The following PPP3CA variants were observed in gnomAD, a reference collection of about 807,000 sequenced individuals.
PPP3CA encodes protein phosphatase 3 catalytic subunit alpha.
A neutral mutation model predicts 66.5 loss-of-function variants in PPP3CA; 14 were observed. That is an observed-to-expected ratio of 0.21 (90% confidence interval 0.14 to 0.33). The LOEUF (loss-of-function observed/expected upper bound fraction) is 0.33. Ranked by LOEUF, PPP3CA falls within the 10% of genes least tolerant of loss-of-function variation. The pLI is 1.00. For missense variants in PPP3CA, 317 were observed against 639.5 expected, an observed-to-expected ratio of 0.50 and a Z score of 5.44; for synonymous variants, 232 against 226.2, an observed-to-expected ratio of 1.03 and a Z score of -0.23.
intron 1 of PPP3CA, among the ~76,000 whole-genome samples, chr4:101,212,528 G>A (rs140472375): frequency 1.3e-5 from 2 of 152,190 alleles, no homozygotes; most frequent in African/African-American, 4.8e-5. Flanking sequence ...TAATACCTAG[G>A]TGATGGGATG....
intron 1 of PPP3CA, among the ~76,000 whole-genome samples, chr4:101,299,106 GTTTTTTTTT>G (rs556244769): frequency 7.0e-5 from 6 of 85,554 alleles, no homozygotes; most frequent in African/African-American, 1.7e-4. Flanking sequence ...GCCATATATC[GTTTTTTTTT>G]TTTTTTTTTT....
intron 3 of PPP3CA, among the ~76,000 whole-genome samples, chr4:101,104,509 G>A (rs904582156): frequency 5.3e-5 from 8 of 151,638 alleles, no homozygotes; most frequent in Admixed American, 5.3e-4. Flanking sequence ...TATGGCAAAG[G>A]CCTGGGGTTA....
intron 1 of PPP3CA, among the ~76,000 whole-genome samples, chr4:101,229,632 T>A (rs979215712): frequency 2.7e-5 from 4 of 150,912 alleles, no homozygotes; most frequent in African/African-American, 9.7e-5. Context: ...AAAAAAAAAA[T>A]GAATCAAAAG....
intron 2 of PPP3CA, among the ~76,000 whole-genome samples, chr4:101,160,139 C>G (rs1191944831): frequency 6.6e-6 from 1 of 151,662 alleles, no homozygotes; most frequent in African/African-American, 2.4e-5. Flanking sequence ...CTACATTCCA[C>G]ACTTCTATCT....
chr4:101,263,546 C>T (rs1727073006), intron 1 of PPP3CA, among the ~76,000 whole-genome samples: 2 of 151,686 alleles, frequency 1.3e-5, no homozygotes, highest in African/African-American at 4.8e-5. Context: ...TTCTAAAATT[C>T]TAAATTGTTT....
chr4:101,029,446 T>C (rs1235177479), intron 12 of PPP3CA, among the ~76,000 whole-genome samples: 1 of 151,844 alleles, frequency 6.6e-6, no homozygotes, highest in Non-Finnish European at 1.5e-5. Flanking sequence ...ATGTTTTGGT[T>C]TTTGCCCACT....
intron 10 of PPP3CA, among the ~76,000 whole-genome samples, chr4:101,060,729 T>A (rs775168307): frequency 2.0e-5 from 3 of 152,118 alleles, no homozygotes; most frequent in Non-Finnish European, 4.4e-5. Flanking sequence ...AGGACATTTT[T>A]AAATTGCCTG....
At chr4:101,130,562 A>T (rs992210253) in intron 2 of PPP3CA, among the ~76,000 whole-genome samples, 2 of 152,168 alleles carry the variant, frequency 1.3e-5, no homozygotes, top group Admixed American at 6.5e-5. Context: ...CTCTGCAGAA[A>T]CCCTACAAGC....
intron 1 of PPP3CA, among the ~76,000 whole-genome samples, chr4:101,294,486 C>A (rs949747200): frequency 3.3e-5 from 5 of 152,092 alleles, no homozygotes; most frequent in African/African-American, 7.2e-5. Flanking sequence ...AATTTTATAA[C>A]CACATATCAA....
intron 1 of PPP3CA, among the ~76,000 whole-genome samples, chr4:101,334,463 A>G (rs555845749): frequency 6.6e-6 from 1 of 152,264 alleles, no homozygotes; most frequent in African/African-American, 2.4e-5. Flanking sequence ...GAGGCATGGG[A>G]TATGGATTTA....
intron 2 of PPP3CA, among the ~76,000 whole-genome samples, chr4:101,193,645 C>A (rs1724689401): frequency 1.3e-5 from 2 of 152,138 alleles, no homozygotes; most frequent in South Asian, 4.1e-4. Context: ...TGCAGGGAGT[C>A]AGGGGACTAG....
intron 2 of PPP3CA, among the ~76,000 whole-genome samples, chr4:101,135,233 T>G (rs913378865): frequency 7.6e-6 from 1 of 130,726 alleles, no homozygotes; most frequent in African/African-American, 3.6e-5. Flanking sequence ...ATAAAAAAAT[T>G]TTAATCCTTC....
At chr4:101,058,984 G>A (rs1264604456) in intron 10 of PPP3CA, among the ~76,000 whole-genome samples, 1 of 151,896 alleles carries the variant, frequency 6.6e-6, no homozygotes, top group Non-Finnish European at 1.5e-5. Context: ...AGTGGACTTT[G>A]CAAAAAACAA....
chr4:101,268,043 G>A (rs1427536627), intron 1 of PPP3CA, among the ~76,000 whole-genome samples: 1 of 151,978 alleles, frequency 6.6e-6, no homozygotes, highest in Admixed American at 6.6e-5. Context: ...ATGGTGGTAT[G>A]TGCCTATAGT....
intron 11 of PPP3CA, among the ~76,000 whole-genome samples, chr4:101,034,480 C>G (rs955173490): frequency 6.6e-6 from 1 of 151,980 alleles, no homozygotes; most frequent in Non-Finnish European, 1.5e-5. Flanking sequence ...CCACTCCATT[C>G]CCCTCCTGCC....
At chr4:101,139,657 G>C (rs947772643) in intron 2 of PPP3CA, among the ~76,000 whole-genome samples, 7 of 149,576 alleles carry the variant, frequency 4.7e-5, no homozygotes, top group African/African-American at 1.7e-4. Flanking sequence ...AAGTGGAATG[G>C]ATCTTCTACC....
At chr4:101,127,808 C>T (rs1013218557) in intron 2 of PPP3CA, among the ~76,000 whole-genome samples, 10 of 150,670 alleles carry the variant, frequency 6.6e-5, no homozygotes, top group African/African-American at 2.4e-4. Flanking sequence ...TGTTTCTAAG[C>T]ATTTTGGATG....
In PPP3CA at chr4:101,093,761, G is replaced by C; in HGVS notation, c.782+15C>G. 1 of 1,582,620 alleles carries C rather than the reference G, an allele frequency of 6.3e-7. No individual in the cohort carries two copies. Among genetic ancestry groups the C allele is most frequent in the Non-Finnish European group, 8.6e-7 (1 of 1,164,256 alleles). ...GATGCAAACGTGTTCCAGAGAGCAA[G>C]TTCTCTATTCTTACCTGTAGAAGTA... On this transcript the variant is annotated intron_variant, in intron 6 of 13. Transcript: ENST00000394854.
intron 1 of PPP3CA, among the ~76,000 whole-genome samples, chr4:101,243,866 T>C (rs1358964627): frequency 6.6e-6 from 1 of 152,218 alleles, no homozygotes; most frequent in Non-Finnish European, 1.5e-5. Flanking sequence ...TTCTCATTCA[T>C]TGACCCCTGG....
Sources: allele counts gnomAD v4.1 joint callset (sites outside exome capture counted in the v4.1 genomes callset), GRCh38; gene constraint gnomAD v4.1.1; transcripts MANE v1.5; gene names NCBI Gene and HGNC (gene_info 2026-07-23, HGNC 2026-07-21).